The following CSMD1 variants were observed in gnomAD, a reference collection of about 807,000 sequenced individuals.
CSMD1 encodes the protein CUB and Sushi multiple domains 1.
In CSMD1, 213 loss-of-function variants were observed where a neutral mutation model predicts 417.5. The observed-to-expected ratio is 0.51, with a 90% CI of 0.46 to 0.57. The LOEUF (loss-of-function observed/expected upper bound fraction) is 0.57. Among genes scored for constraint, CSMD1 ranks in the 20% least tolerant of loss-of-function variants. The pLI is 0.00. For missense variants in CSMD1, 6,923 were observed against 4,529.7 expected (o/e 1.53, Z -15.17); for synonymous variants, 2,862 against 1,736.8 (o/e 1.65, Z -16.11).
At chr8:3,056,727 G>C (rs1480520755) in intron 49 of CSMD1, among the ~76,000 whole-genome samples, 1 of 144,408 alleles carries the variant, frequency 6.9e-6, no homozygotes, top group Non-Finnish European at 1.5e-5. Context: ...TTTTATTAAA[G>C]ATACGTATTT....
chr8:4,678,771 T>G (rs542788403), intron 1 of CSMD1, among the ~76,000 whole-genome samples: 5 of 152,300 alleles, frequency 3.3e-5, no homozygotes, highest in African/African-American at 1.2e-4. Flanking sequence ...AAGTTGTCTC[T>G]CGTCTTACCT....
intron 41 of CSMD1, among the ~76,000 whole-genome samples, chr8:3,129,483 T>G (rs887461308): frequency 1.3e-5 from 2 of 152,126 alleles, no homozygotes; most frequent in African/African-American, 2.4e-5. Flanking sequence ...CACAAAAAAC[T>G]ATGGAGCTGG....
At chr8:4,733,548 T>C (rs1377974640) in intron 1 of CSMD1, among the ~76,000 whole-genome samples, 1 of 152,206 alleles carries the variant, frequency 6.6e-6, no homozygotes. Context: ...CATTGCCCAT[T>C]TAAACTGACA....
intron 3 of CSMD1, among the ~76,000 whole-genome samples, chr8:4,118,440 C>G (rs1802286775): frequency 6.6e-6 from 1 of 151,578 alleles, no homozygotes; most frequent in Non-Finnish European, 1.5e-5. Context: ...AGGATATGGA[C>G]AGTCACTTCT....
At chr8:3,583,759 A>T (rs959435602) in intron 9 of CSMD1, among the ~76,000 whole-genome samples, 2 of 152,122 alleles carry the variant, frequency 1.3e-5, no homozygotes, top group Admixed American at 1.3e-4. Context: ...GGAAAGGCAG[A>T]GCGTGTGGCT....
At chr8:3,448,558 A>G (rs991808898) in intron 12 of CSMD1, among the ~76,000 whole-genome samples, 1 of 152,018 alleles carries the variant, frequency 6.6e-6, no homozygotes, top group African/African-American at 2.4e-5. Flanking sequence ...AAGAAAAGTG[A>G]AGGTTTGTAG....
chr8:3,293,744 G>C (rs1043076250), intron 25 of CSMD1, among the ~76,000 whole-genome samples: 4 of 152,168 alleles, frequency 2.6e-5, no homozygotes, highest in African/African-American at 9.6e-5. Flanking sequence ...TTTTTTACAA[G>C]GTTTTTAACT....
chr8:4,705,444 T>A (rs930614016), intron 1 of CSMD1, among the ~76,000 whole-genome samples: 2 of 152,180 alleles, frequency 1.3e-5, no homozygotes, highest in Admixed American at 6.5e-5. Context: ...CGCCTGTCAT[T>A]CAAAAGTGTG....
At chr8:3,006,273 G>C (rs986506181) in intron 52 of CSMD1, among the ~76,000 whole-genome samples, 3 of 151,476 alleles carry the variant, frequency 2.0e-5, no homozygotes, top group African/African-American at 7.3e-5. Flanking sequence ...AAATAAAAGA[G>C]GATACAAACA....
chr8:3,597,325 C>T (rs1801141851), intron 8 of CSMD1, among the ~76,000 whole-genome samples: 1 of 152,076 alleles, frequency 6.6e-6, no homozygotes, highest in Non-Finnish European at 1.5e-5. Context: ...GCACGTTTGG[C>T]ATCTCTGTCT....
intron 1 of CSMD1, among the ~76,000 whole-genome samples, chr8:4,848,284 T>C (rs539624926): frequency 1.2e-4 from 18 of 152,342 alleles, no homozygotes; most frequent in African/African-American, 4.1e-4. Flanking sequence ...ATAAACATTG[T>C]TGTACCAGTT....
At chr8:2,985,166 A>T (rs1563206683) in intron 54 of CSMD1, among the ~76,000 whole-genome samples, 2 of 152,248 alleles carry the variant, frequency 1.3e-5, no homozygotes, top group Non-Finnish European at 2.9e-5. Context: ...CAGAATATAG[A>T]AACCTTAATT....
At chr8:3,955,767 C>G (rs1811898484) in intron 5 of CSMD1, among the ~76,000 whole-genome samples, 1 of 152,160 alleles carries the variant, frequency 6.6e-6, no homozygotes. Flanking sequence ...ACATAGAAAC[C>G]CAGTGAATTA....
At chr8:4,271,533 A>G (rs887148379) in intron 3 of CSMD1, among the ~76,000 whole-genome samples, 1 of 152,060 alleles carries the variant, frequency 6.6e-6, no homozygotes, top group East Asian at 1.9e-4. Flanking sequence ...AACACCACCA[A>G]CAAAATACCA....
intron 3 of CSMD1, among the ~76,000 whole-genome samples, chr8:4,399,024 ATAAGTATGAGACAAGTGTTC>A (rs1014509600): frequency 6.6e-6 from 1 of 152,258 alleles, no homozygotes; most frequent in Non-Finnish European, 1.5e-5. Context: ...AGCTTTGTAA[ATAAGTATGAGACAAGTGTTC>A]TGTAAGAATC....
intron 23 of CSMD1, among the ~76,000 whole-genome samples, chr8:3,341,016 A>T (rs564042497): frequency 6.6e-6 from 1 of 152,218 alleles, no homozygotes; most frequent in African/African-American, 2.4e-5. Context: ...GTAGAATTGG[A>T]AAGTGCCCAC....
intron 7 of CSMD1, among the ~76,000 whole-genome samples, chr8:3,695,512 T>C (rs1007955536): frequency 6.6e-6 from 1 of 152,116 alleles, no homozygotes; most frequent in Non-Finnish European, 1.5e-5. Flanking sequence ...TTATCACAGA[T>C]ACAGAAGAGA....
At chr8:4,310,955 C>T (rs530437895) in intron 3 of CSMD1, among the ~76,000 whole-genome samples, 1 of 152,326 alleles carries the variant, frequency 6.6e-6, no homozygotes, top group African/African-American at 2.4e-5. Context: ...CAGTGAGATA[C>T]TATCTCCTAC....
chr8:4,534,916 C>G (rs890016773), intron 2 of CSMD1, among the ~76,000 whole-genome samples: 3 of 152,148 alleles, frequency 2.0e-5, no homozygotes, highest in African/African-American at 7.2e-5. Context: ...GTGCCTGCCA[C>G]CACGCCCGGC....
Sources: allele counts gnomAD v4.1 joint callset (sites outside exome capture counted in the v4.1 genomes callset), GRCh38; gene constraint gnomAD v4.1.1; transcripts MANE v1.5; gene names NCBI Gene and HGNC (gene_info 2026-07-23, HGNC 2026-07-21).